Variants in SLC1A6 observed in about 807,000 individuals in gnomAD.
SLC1A6 encodes the protein solute carrier family 1 member 6, also known as excitatory amino acid transporter 4.
Under a neutral mutation model 42.1 loss-of-function variants are expected in SLC1A6, and 15 were observed. That is an observed-to-expected ratio of 0.36 (90% CI 0.24 to 0.55). The LOEUF is 0.55. Among genes scored for constraint, SLC1A6 ranks in the 20% least tolerant of loss-of-function variants. The pLI is 0.88. For synonymous variants in SLC1A6, 317 were observed against 319.7 expected (o/e 0.99, Z 0.09); for missense variants, 542 against 772.5 (o/e 0.70, Z 3.54).
chr19:14,972,593 G>A (rs957322545), intron 2 of SLC1A6, 113 bp downstream of exon 2: 4 of 804,456 alleles, frequency 5.0e-6, no homozygotes, highest in African/African-American at 3.4e-5. Context: ...GGACTGGGAC[G>A]TGTGTGCAGG....
chr19:14,966,121 G>A (rs547647702), intron 4 of SLC1A6, among the ~76,000 whole-genome samples: 51 of 152,214 alleles, frequency 3.4e-4, no homozygotes, highest in African/African-American at 1.2e-3. Context: ...TAAAATCTCA[G>A]AATTCTCCAC....
At chr19:14,990,219 A>G (rs2045812856) in intron 1 of SLC1A6, among the ~76,000 whole-genome samples, 1 of 152,232 alleles carries the variant, frequency 6.6e-6, no homozygotes, top group African/African-American at 2.4e-5. Context: ...TATGCTATGC[A>G]GTTGTAAGAA....
chr19:15,010,564 A>C (rs571322351), exon 1 of SLC1A6: 1 of 654,770 alleles, frequency 1.5e-6, no homozygotes, highest in African/African-American at 1.8e-5. Flanking sequence ...ATGTTGCTGG[A>C]AGCAACGGCG....
intron 1 of SLC1A6, among the ~76,000 whole-genome samples, chr19:15,005,091 T>C (rs1166016027): frequency 6.6e-6 from 1 of 151,824 alleles, no homozygotes; most frequent in African/African-American, 2.4e-5. Context: ...AGATCGTGTC[T>C]CTACAAAAAC....
chr19:14,953,153 A>C (rs2045428631), intron 8 of SLC1A6, 91 bp from the exon 9 acceptor site: 4 of 960,084 alleles, frequency 4.2e-6, no homozygotes, highest in Non-Finnish European at 6.4e-6. Flanking sequence ...GGAAGAGATC[A>C]GCTCCCCAAG....
chr19:14,953,813 C>A (rs565389204), intron 8 of SLC1A6, among the ~76,000 whole-genome samples: 8 of 152,172 alleles, frequency 5.3e-5, no homozygotes, highest in Admixed American at 3.3e-4. Flanking sequence ...ATGTATAGAG[C>A]CTACAAATAT....
intron 6 of SLC1A6, among the ~76,000 whole-genome samples, chr19:14,958,259 A>T (rs2045479726): frequency 6.6e-6 from 1 of 151,932 alleles, no homozygotes; most frequent in Non-Finnish European, 1.5e-5. Context: ...AAAAATAAAA[A>T]AATTAGTCAG....
intron 1 of SLC1A6, chr19:14,974,492 C>A (rs767811890): frequency 6.6e-6 from 1 of 151,610 alleles, no homozygotes; most frequent in Non-Finnish European, 1.5e-5. Context: ...TTAAAACTTG[C>A]CCATCTGTCT....
chr19:14,994,893 A>G (rs974655730), intron 1 of SLC1A6, among the ~76,000 whole-genome samples: 3 of 151,156 alleles, frequency 2.0e-5, no homozygotes, highest in Non-Finnish European at 3.0e-5. Flanking sequence ...CAAAAAAAAT[A>G]AGGAAATCCT....
Position 14,979,212 on chromosome 19 carries a change from G to A in SLC1A6, c.-8+97C>T, listed in dbSNP as rs1305996797. 1 of 152,166 alleles carries A rather than the reference G, an allele frequency of 6.6e-6. No homozygotes were observed. Among genetic ancestry groups the A allele is most frequent in the African/African-American group, 2.4e-5 (1 of 41,342 alleles). 9.4% of individuals were successfully genotyped at this position (152,166 alleles called of 1,614,324 possible). A position where few individuals can be genotyped will look rare whatever the true frequency, so the allele number is the denominator to read the frequency against. ...TATAAATGCACAAGGCATCGGGCTC[G>A]GTGCTGGAAACGTGCCTGTGTGCGG... On this transcript the variant is annotated intron_variant, in intron 1 of 9. Transcript: ENST00000594383. The surrounding 1 kb of genome is among the most constrained non-coding windows in gnomAD (Gnocchi z 4.2).
intron 1 of SLC1A6, among the ~76,000 whole-genome samples, chr19:15,003,226 C>T (rs1251801495): frequency 6.6e-5 from 10 of 152,130 alleles, no homozygotes; most frequent in African/African-American, 2.4e-5. Flanking sequence ...GATCTGCCTA[C>T]CTCAGCCTCC....
intron 1 of SLC1A6, among the ~76,000 whole-genome samples, chr19:14,990,549 CACCTGAGGTCAGGAGTTCGAG>C (rs2045814488): frequency 6.6e-6 from 1 of 152,166 alleles, no homozygotes; most frequent in Non-Finnish European, 1.5e-5. Context: ...GCAGGCGGAT[CACCTGAGGTCAGGAGTTCGAG>C]ACCAGCCTGA....
At chr19:14,992,371 G>C (rs2045824713) in intron 1 of SLC1A6, among the ~76,000 whole-genome samples, 1 of 152,142 alleles carries the variant, frequency 6.6e-6, no homozygotes, top group African/African-American at 2.4e-5. Flanking sequence ...TCTCTCAACA[G>C]TAAAGGCTGC....
upstream of SLC1A6, among the ~76,000 whole-genome samples, chr19:14,983,663 G>C (rs2045778777): frequency 6.7e-6 from 1 of 149,450 alleles, no homozygotes; most frequent in African/African-American, 2.5e-5. Context: ...ACTCCTGCCT[G>C]GGCGACAGAG....
At chr19:14,953,525 A>T (rs1197923144) in intron 8 of SLC1A6, among the ~76,000 whole-genome samples, 1 of 151,876 alleles carries the variant, frequency 6.6e-6, no homozygotes, top group African/African-American at 2.4e-5. Flanking sequence ...AAAGTGCCAG[A>T]ATTACAGGTG....
chr19:14,961,090 T>C (rs10417023), intron 6 of SLC1A6, among the ~76,000 whole-genome samples: 109,179 of 151,386 alleles, frequency 0.72, 39,772 homozygotes, highest in African/African-American at 0.83. Flanking sequence ...TTTTTTTGTA[T>C]TTTTTGTGGT....
At chr19:15,001,164 C>A (rs1246376530) in intron 1 of SLC1A6, among the ~76,000 whole-genome samples, 1 of 81,320 alleles carries the variant, frequency 1.2e-5, no homozygotes, top group African/African-American at 4.5e-5. Context: ...CAGTTTGTTC[C>A]CAAACTGGGC....
At chr19:14,971,661 G>A in intron 3 of SLC1A6, 76 bp downstream of exon 3, 1 of 1,446,796 alleles carries the variant, frequency 6.9e-7, no homozygotes. Context: ...CCCATGCTTG[G>A]GATGGCCTTG....
intron 3 of SLC1A6, among the ~76,000 whole-genome samples, chr19:14,970,708 CT>C: frequency 7.0e-6 from 1 of 143,304 alleles, no homozygotes; most frequent in East Asian, 2.1e-4. Context: ...GACACTCTGT[CT>C]CAAAAAAAAA....
Sources: allele counts gnomAD v4.1 joint callset (sites outside exome capture counted in the v4.1 genomes callset), GRCh38; gene constraint gnomAD v4.1.1; non-coding constraint Gnocchi (gnomAD v3.1); transcripts MANE v1.5; gene names NCBI Gene and HGNC (gene_info 2026-07-23, HGNC 2026-07-21).